Variants in CALN1 observed in about 807,000 individuals in gnomAD.
CALN1 encodes calneuron 1, also known as calcium-binding protein 8.
In CALN1, 17 loss-of-function variants were observed where a neutral mutation model predicts 30.6. The observed-to-expected ratio is 0.56, with a 90% CI of 0.38 to 0.83. The LOEUF (loss-of-function observed/expected upper bound fraction) is 0.83, where lower values mean the gene tolerates loss of function less well. Among genes scored for constraint, CALN1 ranks in the 40% least tolerant of loss-of-function variants. The pLI is 0.00. For missense variants in CALN1, 291 were observed against 354.9 expected, an observed-to-expected ratio of 0.82 and a Z score of 1.45; for synonymous variants, 156 against 131.4, an observed-to-expected ratio of 1.19 and a Z score of -1.28.
At chr7:72,045,996 CAAAAAAAAAAA>C in intron 4 of CALN1, among the ~76,000 whole-genome samples, 1 of 90,732 alleles carries the variant, frequency 1.1e-5, no homozygotes, top group African/African-American at 4.1e-5. Context: ...GACTCCCTCT[CAAAAAAAAAAA>C]AAAAAAAAAG....
At chr7:72,032,753 T>C (rs1213413129) in intron 4 of CALN1, among the ~76,000 whole-genome samples, 1 of 152,192 alleles carries the variant, frequency 6.6e-6, no homozygotes, top group South Asian at 2.1e-4. Flanking sequence ...TCTTAGTAAT[T>C]CTCTATGGGT....
At chr7:72,211,148 T>C (rs1370512669) in intron 3 of CALN1, among the ~76,000 whole-genome samples, 1 of 152,134 alleles carries the variant, frequency 6.6e-6, no homozygotes, top group African/African-American at 2.4e-5. Context: ...AAAACTAACT[T>C]AGGCTCCCTA....
intron 5 of CALN1, among the ~76,000 whole-genome samples, chr7:71,949,191 CAGG>C (rs1796565341): frequency 6.6e-6 from 1 of 151,712 alleles, no homozygotes; most frequent in African/African-American, 2.4e-5. Context: ...GGCTATGAGG[CAGG>C]AGAATAGGGT....
chr7:71,912,811 C>A (rs1226711282), intron 5 of CALN1, among the ~76,000 whole-genome samples: 1 of 152,160 alleles, frequency 6.6e-6, no homozygotes, highest in Non-Finnish European at 1.5e-5. Context: ...AACTATTGAT[C>A]TGGCAGTACT....
At chr7:72,189,218 G>A (rs74696972) in intron 3 of CALN1, among the ~76,000 whole-genome samples, 5,033 of 152,298 alleles carry the variant, frequency 0.033, 270 homozygotes, top group African/African-American at 0.11. Flanking sequence ...GCTTATGGGT[G>A]TTCTGTCCTT....
intron 3 of CALN1, among the ~76,000 whole-genome samples, chr7:72,204,643 T>C (rs191982520): frequency 6.6e-5 from 10 of 152,316 alleles, no homozygotes. Flanking sequence ...TCTGTGCCTG[T>C]TTCCTCATGA....
intron 3 of CALN1, among the ~76,000 whole-genome samples, chr7:72,130,310 C>T (rs577337124): frequency 1.3e-4 from 20 of 152,160 alleles, no homozygotes; most frequent in African/African-American, 2.9e-4. Context: ...GTAAGCTAAG[C>T]GGATTTTATA....
intron 5 of CALN1, among the ~76,000 whole-genome samples, chr7:71,933,789 A>T (rs1224255695): frequency 1.3e-5 from 2 of 152,146 alleles, no homozygotes; most frequent in Non-Finnish European, 2.9e-5. Context: ...ACTTTAACAT[A>T]AGGTATCATA....
intron 4 of CALN1, among the ~76,000 whole-genome samples, chr7:72,072,604 G>A (rs1214024871): frequency 6.6e-6 from 1 of 152,028 alleles, no homozygotes; most frequent in Non-Finnish European, 1.5e-5. Flanking sequence ...GCAATTATGT[G>A]GGCAATTATA....
chr7:72,099,470 T>C (rs892368616), intron 4 of CALN1, among the ~76,000 whole-genome samples: 17 of 152,112 alleles, frequency 1.1e-4, no homozygotes, highest in African/African-American at 3.9e-4. Flanking sequence ...TTTTTTTTTT[T>C]TTCTTAACAG....
rs568252467 is a variant in CALN1, at chr7:72,439,638, C to T, written c.-226+7404G>A. 1.0e-3 allele frequency among the ~76,000 whole-genome samples: 155 copies of T among 147,786 alleles called. 2 individuals carry two copies. Among genetic ancestry groups the T allele is most frequent in the African/African-American group, 3.8e-3 (151 of 39,908 alleles). Reference sequence around the variant, plus strand: ...TGTCGCCCGGGCTGGAGTGCAATGGCGCAATCTCGGCTCACTGCAACCTCC... The same window carrying T: ...TGTCGCCCGGGCTGGAGTGCAATGGTGCAATCTCGGCTCACTGCAACCTCC... On this transcript the variant is annotated intron_variant, in intron 1 of 6. Coordinates refer to the CALN1 transcript ENST00000395276.
chr7:71,797,295 C>T (rs1786986506), intron 6 of CALN1, among the ~76,000 whole-genome samples: 1 of 152,166 alleles, frequency 6.6e-6, no homozygotes, highest in Non-Finnish European at 1.5e-5. Flanking sequence ...CAGTAGCAGT[C>T]TCAACTCAGG....
chr7:72,194,065 A>T (rs942149669), intron 3 of CALN1, among the ~76,000 whole-genome samples: 1 of 152,236 alleles, frequency 6.6e-6, no homozygotes, highest in African/African-American at 2.4e-5. Context: ...GAACTTAGTC[A>T]TCTAACCAAA....
At position 72,259,101 on chromosome 7, in the gene CALN1, T is replaced by C. The variant is rs1001954548; in HGVS notation, c.244+19585A>G. On this transcript the variant is annotated intron_variant, in intron 3 of 6. Transcript: ENST00000395275. ...ATTTCAATTTAAAATATATTATTTATATATATATATATGTATGCATCAAAA... is the reference window on the plus strand; with the variant it reads ...ATTTCAATTTAAAATATATTATTTACATATATATATATGTATGCATCAAAA... Among the ~76,000 whole-genome samples, 3 of 149,418 alleles carry C rather than the reference T, an allele frequency of 2.0e-5. No individual in the cohort carries two copies. In the South Asian group the frequency reaches 6.3e-4, roughly 31 times the overall value.
rs137917852 is a variant in CALN1, at chr7:71,906,063, G to T, written c.502-95571C>A. Among the ~76,000 whole-genome samples, 104 of 152,302 alleles carry T rather than the reference G, an allele frequency of 6.8e-4. No individual in the cohort carries two copies. In the East Asian group the frequency reaches 0.016, roughly 23 times the overall value. Reference sequence around the variant, plus strand: ...ACAGCATGGGGGAAACTGACCCCATGATTGAGTCACCTCCCACCAAGTTCC... The same window carrying T: ...ACAGCATGGGGGAAACTGACCCCATTATTGAGTCACCTCCCACCAAGTTCC... On this transcript the variant is annotated intron_variant, in intron 5 of 6. Transcript: ENST00000395275.
chr7:72,171,670 AAAAG>A (rs1788975718), intron 3 of CALN1, among the ~76,000 whole-genome samples: 1 of 152,166 alleles, frequency 6.6e-6, no homozygotes, highest in African/African-American at 2.4e-5. Context: ...AGGGGAGAAA[AAAAG>A]AGATTTTTGA....
intron 4 of CALN1, among the ~76,000 whole-genome samples, chr7:72,027,190 T>G (rs551643298): frequency 6.6e-6 from 1 of 151,934 alleles, no homozygotes; most frequent in South Asian, 2.1e-4. Flanking sequence ...ACTAGAAAAA[T>G]GCATATCTGA....
chr7:72,314,825 T>G (rs929600122), intron 2 of CALN1, among the ~76,000 whole-genome samples: 15 of 138,670 alleles, frequency 1.1e-4, no homozygotes, highest in Admixed American at 1.0e-3. Flanking sequence ...AAAGAAATAA[T>G]AAAACATTTT....
chr7:71,792,215 A>G (rs1388659578), intron 6 of CALN1, among the ~76,000 whole-genome samples: 1 of 152,020 alleles, frequency 6.6e-6, no homozygotes, highest in Non-Finnish European at 1.5e-5. Context: ...CTTGCTGTCT[A>G]TTATTTAGAA....
Sources: gnomAD v4.1 joint callset for allele counts (sites outside exome capture counted in the v4.1 genomes callset) on GRCh38, gnomAD v4.1.1 for gene constraint, MANE v1.5 for transcripts, NCBI Gene and HGNC (gene_info 2026-07-23, HGNC 2026-07-21) for gene names.